The following MLLT10 variants were observed in gnomAD, a reference collection of about 807,000 sequenced individuals.
The protein encoded by MLLT10 is protein AF-10.
MLLT10 carries 30 observed loss-of-function variants against 129.1 expected under a neutral mutation model. The observed-to-expected ratio is 0.23, with a 90% CI of 0.17 to 0.32. The LOEUF (loss-of-function observed/expected upper bound fraction) is 0.32. Ranked by LOEUF, MLLT10 falls within the 10% of genes least tolerant of loss-of-function variation. MLLT10 has a pLI of 1.00. For missense variants in MLLT10, 1,119 were observed against 1,268.3 expected, an observed-to-expected ratio of 0.88 and a Z score of 1.79; for synonymous variants, 490 against 446.4, an observed-to-expected ratio of 1.10 and a Z score of -1.23.
At chr10:21,703,439 C>T (rs1344036009) in intron 13 of MLLT10, among the ~76,000 whole-genome samples, 1 of 151,984 alleles carries the variant, frequency 6.6e-6, no homozygotes, top group Non-Finnish European at 1.5e-5. Flanking sequence ...TTGTCTTTGT[C>T]TTTAGACAAC....
chr10:21,620,428 A>G (rs2131223890), intron 8 of MLLT10, among the ~76,000 whole-genome samples: 2 of 152,330 alleles, frequency 1.3e-5, no homozygotes, highest in Admixed American at 1.3e-4. Context: ...TTGTGCTTCT[A>G]GATTTACCAT....
chr10:21,652,555 A>G (rs1010611804), intron 9 of MLLT10, among the ~76,000 whole-genome samples: 2 of 152,246 alleles, frequency 1.3e-5, no homozygotes, highest in African/African-American at 4.8e-5. Context: ...CTTGTGGTTA[A>G]TATGAAAACA....
intron 21 of MLLT10, among the ~76,000 whole-genome samples, chr10:21,737,501 A>G (rs562907164): frequency 1.3e-5 from 2 of 152,332 alleles, no homozygotes; most frequent in East Asian, 1.9e-4. Context: ...TCACTGCCCC[A>G]GCAAGGCAGG....
At chr10:21,669,130 T>G in intron 9 of MLLT10, 1 of 1,226,800 alleles carries the variant, frequency 8.2e-7, no homozygotes, top group Non-Finnish European at 1.1e-6. Flanking sequence ...AAACTTACTT[T>G]GAAACGTTTG....
chr10:21,659,468 G>A lies in MLLT10; in HGVS notation c.795+7700G>A, dbSNP rs565260932. Among the ~76,000 whole-genome samples, 8 of 151,500 alleles carry A rather than the reference G, an allele frequency of 5.3e-5. No homozygotes were observed. In the South Asian group the frequency reaches 8.4e-4, roughly 16 times the overall value. ...GTGGTTCGTTGGTGAAAGCAGGAAA[G>A]TTTGTGCCCTTCACTGGGCTACTTT... On this transcript the variant is annotated intron_variant, in intron 9 of 22. Transcript: ENST00000307729.
At chr10:21,570,641 CAA>C (rs1459580070) in intron 3 of MLLT10, among the ~76,000 whole-genome samples, 1 of 151,342 alleles carries the variant, frequency 6.6e-6, no homozygotes, top group African/African-American at 2.4e-5. Flanking sequence ...TTGTAAATCT[CAA>C]AGTGTATTTT....
chr10:21,662,632 T>TA (rs1479997638), intron 9 of MLLT10, among the ~76,000 whole-genome samples: 1 of 152,216 alleles, frequency 6.6e-6, no homozygotes, highest in Non-Finnish European at 1.5e-5. Context: ...TCATATTAAT[T>TA]ATAGATTTCA....
chr10:21,536,709 A>G (rs774555190), intron 2 of MLLT10, among the ~76,000 whole-genome samples: 19 of 151,936 alleles, frequency 1.3e-4, no homozygotes, highest in Admixed American at 1.3e-4. Context: ...CTGGGACCAC[A>G]GGCCTGGACA....
intron 3 of MLLT10, among the ~76,000 whole-genome samples, chr10:21,576,322 A>G (rs1271401835): frequency 1.3e-5 from 2 of 149,598 alleles, no homozygotes; most frequent in Non-Finnish European, 3.0e-5. Context: ...GGTTCACTGC[A>G]AGCTCCGCCT....
intron 15 of MLLT10, 90 bp downstream of exon 15, chr10:21,726,445 C>T (rs1276770599): frequency 5.8e-6 from 5 of 864,132 alleles, no homozygotes; most frequent in Non-Finnish European, 9.3e-6. Context: ...TGAAAACATG[C>T]AGGGATGTGG....
At chr10:21,591,563 T>C (rs1447174728) in intron 4 of MLLT10, among the ~76,000 whole-genome samples, 1 of 152,206 alleles carries the variant, frequency 6.6e-6, no homozygotes, top group Admixed American at 6.5e-5. Context: ...CTAGTTAGTA[T>C]TGCATTTAAA....
chr10:21,736,956 CTGTGGCCAGTGAG>C (rs2058421512), intron 21 of MLLT10, among the ~76,000 whole-genome samples: 1 of 152,168 alleles, frequency 6.6e-6, no homozygotes, highest in East Asian at 1.9e-4. Context: ...TATTGAGAAA[CTGTGGCCAGTGAG>C]CCAAGAGAAG....
chr10:21,722,590 C>G (rs750315591), intron 14 of MLLT10, among the ~76,000 whole-genome samples: 1 of 152,036 alleles, frequency 6.6e-6, no homozygotes, highest in Non-Finnish European at 1.5e-5. Flanking sequence ...AATGCTTTTG[C>G]TTATTAATGG....
intron 8 of MLLT10, among the ~76,000 whole-genome samples, chr10:21,636,310 A>C (rs1389447408): frequency 6.6e-6 from 1 of 151,944 alleles, no homozygotes; most frequent in East Asian, 1.9e-4. Context: ...TTTTGTAGAG[A>C]TGGAGTCTCC....
intron 13 of MLLT10, among the ~76,000 whole-genome samples, chr10:21,709,430 C>T (rs1400931120): frequency 6.6e-6 from 1 of 152,136 alleles, no homozygotes; most frequent in East Asian, 1.9e-4. Flanking sequence ...TGGGTTTCGC[C>T]ATGTTGGCCA....
chr10:21,613,104 G>C (rs2044820658), intron 6 of MLLT10, among the ~76,000 whole-genome samples: 1 of 140,984 alleles, frequency 7.1e-6, no homozygotes, highest in African/African-American at 2.6e-5. Context: ...TGAGGCAAGA[G>C]AATCGCTTAA....
At chr10:21,541,654 G>A (rs1008330896) in intron 3 of MLLT10, among the ~76,000 whole-genome samples, 3 of 152,078 alleles carry the variant, frequency 2.0e-5, no homozygotes, top group Non-Finnish European at 4.4e-5. Flanking sequence ...CCGAAGTACT[G>A]GGATTACAGG....
intron 11 of MLLT10, among the ~76,000 whole-genome samples, chr10:21,679,403 T>G (rs921417667): frequency 6.6e-6 from 1 of 152,228 alleles, no homozygotes; most frequent in African/African-American, 2.4e-5. Context: ...AAAATTTGAT[T>G]TACTAAAGTG....
chr10:21,701,377 C>T (rs1412386115), intron 13 of MLLT10, among the ~76,000 whole-genome samples: 1 of 147,886 alleles, frequency 6.8e-6, no homozygotes, highest in African/African-American at 2.5e-5. Flanking sequence ...TTTGTTCTTG[C>T]TTTTCTAGTT....
Sources: gnomAD v4.1 joint callset for allele counts (sites outside exome capture counted in the v4.1 genomes callset) on GRCh38, gnomAD v4.1.1 for gene constraint, MANE v1.5 for transcripts, NCBI Gene and HGNC (gene_info 2026-07-23, HGNC 2026-07-21) for gene names.